SARDH: variants seen among roughly 807,000 people sequenced by gnomAD.
SARDH encodes sarcosine dehydrogenase, mitochondrial.
Under a neutral mutation model 109.1 loss-of-function variants are expected in SARDH, and 95 were observed. That is an observed-to-expected ratio of 0.87 (90% CI 0.74 to 1.03). The LOEUF is 1.03. Ranked by LOEUF, SARDH falls within the 50% of genes least tolerant of loss-of-function variation. The pLI is 0.00. For synonymous variants in SARDH, 572 were observed against 534.8 expected (o/e 1.07, Z -0.96); for missense variants, 1,267 against 1,287.8 (o/e 0.98, Z 0.25).
At position 133,731,374 on chromosome 9, in the gene SARDH, G is replaced by C; in HGVS notation, c.621C>G (p.His207Gln). ...TGCCAGCGGGGTCCATGGTACCGTC[G>C]TGCGGCACATACAGGGTCCCGTAGA... ...DDLYGTLYVP[H>Q]DGTMDPAGTC... The change falls in exon 4 of 21, where the codon CAC (histidine) becomes CAG (glutamine). Residue 207 changes from histidine to glutamine, a missense_variant. Transcript: ENST00000439388. The C allele has an allele frequency of 1.2e-6, 2 of 1,614,198 alleles. No homozygotes were observed. Among genetic ancestry groups the C allele is most frequent in the Non-Finnish European group, 1.7e-6 (2 of 1,180,022 alleles).
chr9:133,690,341 G>T (rs1831045378), intron 16 of SARDH, 39 bp downstream of exon 16: 2 of 1,589,888 alleles, frequency 1.3e-6, no homozygotes, highest in East Asian at 4.5e-5. Context: ...GGTCCAGGCA[G>T]CAGGTGCACC....
At chr9:133,667,668 T>G (rs1337626985) in intron 19 of SARDH, among the ~76,000 whole-genome samples, 2 of 151,644 alleles carry the variant, frequency 1.3e-5, no homozygotes, top group East Asian at 1.9e-4. Flanking sequence ...CCCTGTGCAA[T>G]GGGTTATCAC....
intron 2 of SARDH, 45 bp downstream of exon 2, chr9:133,733,798 C>T: frequency 2.1e-6 from 3 of 1,417,818 alleles, no homozygotes; most frequent in Non-Finnish European, 2.8e-6. Context: ...TGGCCCCTCG[C>T]TATGTCCTAT....
At position 133,663,849 on chromosome 9, in the gene SARDH, A is replaced by G; in HGVS notation, c.*40T>C. On this transcript the variant is annotated 3_prime_UTR_variant, in exon 21 of 21. Coordinates refer to ENST00000439388, the MANE Select transcript of SARDH (RefSeq NM_001134707.2). ...CCAGGGCCATTTGGGACCTGTGAGA[A>G]TGGATGGACAGCATGGGATGGGGCA... The G allele has an allele frequency of 1.9e-6, 3 of 1,610,640 alleles. No individual in the cohort carries two copies. Among genetic ancestry groups the G allele is most frequent in the African/African-American group, 1.3e-5 (1 of 75,002 alleles).
At chr9:133,697,985 T>TA (rs1307203211) in intron 13 of SARDH, among the ~76,000 whole-genome samples, 1 of 121,342 alleles carries the variant, frequency 8.2e-6, no homozygotes, top group African/African-American at 3.2e-5. Context: ...GTATCTTGTA[T>TA]ATAGGAAATC....
At chr9:133,676,456 A>G (rs947229187) in intron 17 of SARDH, among the ~76,000 whole-genome samples, 5 of 152,192 alleles carry the variant, frequency 3.3e-5, no homozygotes, top group Non-Finnish European at 7.3e-5. Context: ...CATACTTAAC[A>G]CTACCGAACT....
intron 11 of SARDH, among the ~76,000 whole-genome samples, chr9:133,707,731 A>G (rs1056436088): frequency 6.6e-6 from 1 of 152,032 alleles, no homozygotes; most frequent in Non-Finnish European, 1.5e-5. Context: ...AGGAATGGAG[A>G]CGGGGCTGGG....
intron 17 of SARDH, among the ~76,000 whole-genome samples, chr9:133,683,704 C>T (rs1830780168): frequency 6.6e-6 from 1 of 152,190 alleles, no homozygotes; most frequent in Admixed American, 6.5e-5. Flanking sequence ...CTGGCCGCCT[C>T]CTCCCTGACA....
intron 16 of SARDH, among the ~76,000 whole-genome samples, chr9:133,687,938 C>G (rs1564252249): frequency 1.3e-5 from 2 of 152,210 alleles, no homozygotes; most frequent in Non-Finnish European, 2.9e-5. Context: ...TCTTCCCGCC[C>G]TGGCTGCCTC....
intron 4 of SARDH, among the ~76,000 whole-genome samples, chr9:133,731,015 G>A (rs1832661883): frequency 6.6e-6 from 1 of 152,182 alleles, no homozygotes; most frequent in Non-Finnish European, 1.5e-5. Flanking sequence ...AATGATGTGC[G>A]GAGTTGAGAC....
intron 11 of SARDH, among the ~76,000 whole-genome samples, chr9:133,706,419 G>A (rs772083077): frequency 5.9e-5 from 9 of 152,196 alleles, no homozygotes; most frequent in South Asian, 4.1e-4. Flanking sequence ...CATAGAGACC[G>A]AAACAGCTTA....
chr9:133,736,137 T>C (rs566775776), intron 1 of SARDH, among the ~76,000 whole-genome samples: 19 of 152,216 alleles, frequency 1.2e-4, no homozygotes, highest in Admixed American at 7.2e-4. Context: ...CATCACATGC[T>C]GCCTAGTAAC....
chr9:133,731,277 G>A (rs746671322), intron 4 of SARDH, 28 bp downstream of exon 4: 10 of 1,611,662 alleles, frequency 6.2e-6, no homozygotes, highest in Non-Finnish European at 8.5e-6. Context: ...TGGGAACAGG[G>A]GACCCAGAGC....
chr9:133,727,642 C>A (rs970223670), intron 6 of SARDH, among the ~76,000 whole-genome samples: 3 of 151,882 alleles, frequency 2.0e-5, no homozygotes, highest in Admixed American at 2.0e-4. Context: ...ACATGAGGGG[C>A]TTTGTGCGAA....
intron 11 of SARDH, among the ~76,000 whole-genome samples, chr9:133,705,549 A>T (rs1036348717): frequency 3.0e-5 from 1 of 33,306 alleles, no homozygotes; most frequent in African/African-American, 6.1e-5. Flanking sequence ...ATCTGCCCTC[A>T]CCCTGAGAAC....
At chr9:133,701,852 G>C (rs747049962) in intron 13 of SARDH, among the ~76,000 whole-genome samples, 1 of 152,238 alleles carries the variant, frequency 6.6e-6, no homozygotes. Context: ...CTTCAGAACT[G>C]GCTACAGAAC....
chr9:133,665,357 C>CTGGGCCCCAGGGCTG (rs1564223305), intron 20 of SARDH, among the ~76,000 whole-genome samples: 1 of 152,258 alleles, frequency 6.6e-6, no homozygotes, highest in African/African-American at 2.4e-5. Context: ...TCCGGTTTGG[C>CTGGGCCCCAGGGCTG]TGGGCCCCAG....
At chr9:133,726,497 C>T (rs1008409980) in intron 6 of SARDH, among the ~76,000 whole-genome samples, 1 of 152,126 alleles carries the variant, frequency 6.6e-6, no homozygotes, top group East Asian at 1.9e-4. Context: ...AGTGGGGACA[C>T]CTGGTGGCCA....
At chr9:133,716,326 T>C (rs2131460496) in intron 8 of SARDH, among the ~76,000 whole-genome samples, 1 of 152,372 alleles carries the variant, frequency 6.6e-6, no homozygotes, top group Admixed American at 6.5e-5. Context: ...GTAGAATGAA[T>C]GCCCTCATGA....
Sources: gnomAD v4.1 joint callset for allele counts (sites outside exome capture counted in the v4.1 genomes callset) on GRCh38, gnomAD v4.1.1 for gene constraint, MANE v1.5 for transcripts, NCBI Gene and HGNC (gene_info 2026-07-23, HGNC 2026-07-21) for gene names.